DAB1: variants seen among roughly 807,000 people sequenced by gnomAD.
DAB1 encodes DAB adaptor protein 1.
A neutral mutation model predicts 64.6 loss-of-function variants in DAB1; 15 were observed. The observed-to-expected ratio is 0.23, with a 90% CI of 0.16 to 0.36. The LOEUF is 0.36. Ranked by LOEUF, DAB1 falls within the 10% of genes least tolerant of loss-of-function variation. The pLI, the probability that DAB1 is intolerant of heterozygous loss-of-function variation, is 1.00. For synonymous variants in DAB1, 235 were observed against 251.9 expected (o/e 0.93, Z 0.64); for missense variants, 596 against 706.7 (o/e 0.84, Z 1.78).
intron 9 of DAB1, among the ~76,000 whole-genome samples, chr1:57,050,235 C>T (rs1472867603): frequency 6.6e-6 from 1 of 152,184 alleles, no homozygotes; most frequent in Non-Finnish European, 1.5e-5. Flanking sequence ...AATGGATACA[C>T]TTAGATGATT....
intron 5 of DAB1, among the ~76,000 whole-genome samples, chr1:58,030,729 TA>T (rs1243706962): frequency 2.0e-5 from 3 of 152,154 alleles, no homozygotes; most frequent in African/African-American, 4.8e-5. Context: ...AGGAGTTCAA[TA>T]AAAACGTATT....
At chr1:58,036,764 T>G (rs1309646566) in intron 5 of DAB1, among the ~76,000 whole-genome samples, 1 of 152,054 alleles carries the variant, frequency 6.6e-6, no homozygotes, top group Non-Finnish European at 1.5e-5. Flanking sequence ...GCCAGACATG[T>G]GGAGACTTGG....
At position 58,246,804 on chromosome 1, in the gene DAB1, G is replaced by A. The variant is rs72910470; in HGVS notation, n.310-96216C>T. On this transcript the variant is annotated intron_variant and non_coding_transcript_variant, in intron 4 of 20. Transcript: ENST00000485760. ...TGTGTGAGTGGTGTGAATGTAATGC[G>A]TACGCATGTATGTCAGGGTGTGTGT... 4.3e-3 allele frequency among the ~76,000 whole-genome samples: 660 copies of A among 152,140 alleles called. 6 individuals are homozygous for A. The highest frequency in any genetic ancestry group is 0.014 in the African/African-American group (601 of 41,494).
chr1:57,303,082 G>A (rs1431939738), intron 1 of DAB1, among the ~76,000 whole-genome samples: 3 of 152,198 alleles, frequency 2.0e-5, no homozygotes, highest in African/African-American at 7.2e-5. Context: ...GGAACCTGAT[G>A]TAGACGACTG....
chr1:58,178,891 C>G lies in DAB1; in HGVS notation n.310-28303G>C, dbSNP rs74075943. On this transcript the variant is annotated intron_variant and non_coding_transcript_variant, in intron 4 of 20. Coordinates refer to the DAB1 transcript ENST00000485760. ...GGAGACCAGACTTCCTATTTTGTTC[C>G]TGATCTGAAGTGAAAGGCATTCAGT... Among the ~76,000 whole-genome samples, 1,391 of 152,198 alleles carry G rather than the reference C, an allele frequency of 9.1e-3. 29 individuals are homozygous for G. The highest frequency in any genetic ancestry group is 0.032 in the African/African-American group (1,333 of 41,536).
intron 3 of DAB1, among the ~76,000 whole-genome samples, chr1:58,475,023 C>T (rs971784210): frequency 1.1e-4 from 16 of 152,186 alleles, no homozygotes; most frequent in Middle Eastern, 3.4e-3. Flanking sequence ...CATCATCTGG[C>T]GAATGGATTG....
chr1:57,927,130 C>T (rs376377624), intron 5 of DAB1, among the ~76,000 whole-genome samples: 1 of 152,162 alleles, frequency 6.6e-6, no homozygotes, highest in East Asian at 1.9e-4. Context: ...ACCTTATGAC[C>T]ACAAATGAAG....
intron 6 of DAB1, among the ~76,000 whole-genome samples, chr1:57,717,391 T>G (rs1446719306): frequency 1.3e-5 from 2 of 152,078 alleles, no homozygotes; most frequent in Admixed American, 6.6e-5. Flanking sequence ...CCAGTTAGAA[T>G]GGTTATTACC....
intron 9 of DAB1, among the ~76,000 whole-genome samples, chr1:57,054,120 G>T (rs1649500935): frequency 6.6e-6 from 1 of 152,112 alleles, no homozygotes; most frequent in Non-Finnish European, 1.5e-5. Context: ...CAAGGAGAAG[G>T]ATAAAAGATC....
rs964955805 is a variant in DAB1 at position 58,506,331 on chromosome 1, C to A, written n.108-122G>T. ...CTTTAAGTTTTAGGGTACATGTGCA[C>A]AACGTGCAGGTTTGTTACATACGTA... On this transcript the variant is annotated intron_variant and non_coding_transcript_variant, in intron 2 of 20. Coordinates refer to the DAB1 transcript ENST00000485760. The A allele has an allele frequency of 4.0e-5, 24 of 594,388 alleles. No homozygotes were observed. The African/African-American group carries it at 4.5e-4, about 11-fold the overall frequency. 36.8% of individuals were successfully genotyped at this position (594,388 alleles called of 1,614,324 possible).
intron 5 of DAB1, among the ~76,000 whole-genome samples, chr1:58,079,764 C>G (rs4912299): frequency 0.56 from 84,699 of 151,552 alleles, 24,247 homozygotes; most frequent in Middle Eastern, 0.66. Flanking sequence ...CATGATCCAC[C>G]TGCCTCAACC....
chr1:57,227,153 T>C (rs1352179892), intron 2 of DAB1, among the ~76,000 whole-genome samples: 1 of 152,238 alleles, frequency 6.6e-6, no homozygotes, highest in Non-Finnish European at 1.5e-5. Context: ...CCAGCATGGG[T>C]GACAGTGATC....
At chr1:57,361,719 G>T (rs925490887) in intron 1 of DAB1, among the ~76,000 whole-genome samples, 1 of 152,056 alleles carries the variant, frequency 6.6e-6, no homozygotes, top group Non-Finnish European at 1.5e-5. Flanking sequence ...GCCCAGATGG[G>T]GCTGCTCCCA....
At position 57,136,042 on chromosome 1, in the gene DAB1, C is replaced by T. The variant is rs139971448; in HGVS notation, c.306+501G>A. Reference sequence around the variant, plus strand: ...CCACTTCTTTGGTGGGTTCAACAAACGTATCAGCCCTTAAATTTCCTGGTC... The same window carrying T: ...CCACTTCTTTGGTGGGTTCAACAAATGTATCAGCCCTTAAATTTCCTGGTC... On this transcript the variant is annotated intron_variant, in intron 4 of 14. Coordinates refer to ENST00000371236, the MANE Select transcript of DAB1 (RefSeq NM_001365792.1). Among the ~76,000 whole-genome samples, 371 of 152,208 alleles carry T rather than the reference C, an allele frequency of 2.4e-3. 2 individuals carry two copies. The highest frequency in any genetic ancestry group is 8.5e-3 in the African/African-American group (354 of 41,542).
chr1:58,123,688 C>G (rs1385820090), intron 5 of DAB1, among the ~76,000 whole-genome samples: 6 of 152,106 alleles, frequency 3.9e-5, no homozygotes, highest in Non-Finnish European at 7.4e-5. Flanking sequence ...ATCTCCAGGC[C>G]TTTAGTATCT....
At chr1:57,466,482 T>C (rs1686957162) in intron 7 of DAB1, among the ~76,000 whole-genome samples, 1 of 152,176 alleles carries the variant, frequency 6.6e-6, no homozygotes, top group Admixed American at 6.5e-5. Flanking sequence ...CTGAGCCTCA[T>C]CTATTAATTG....
At chr1:57,285,074 TA>T (rs1273360569) in intron 2 of DAB1, among the ~76,000 whole-genome samples, 22 of 152,224 alleles carry the variant, frequency 1.4e-4, no homozygotes, top group Admixed American at 1.4e-3. Context: ...GATCCCTGGG[TA>T]TAGCACTAAT....
At chr1:57,556,435 C>T (rs2101492139) in intron 7 of DAB1, among the ~76,000 whole-genome samples, 1 of 152,154 alleles carries the variant, frequency 6.6e-6, no homozygotes, top group Non-Finnish European at 1.5e-5. Context: ...TACACTCCAA[C>T]ATCTATTTTT....
intron 7 of DAB1, among the ~76,000 whole-genome samples, chr1:57,602,913 G>A (rs1291298627): frequency 6.6e-6 from 1 of 152,122 alleles, no homozygotes; most frequent in Non-Finnish European, 1.5e-5. Flanking sequence ...AATAGAGGGG[G>A]CATGAGTGCT....
Sources: allele counts gnomAD v4.1 joint callset (sites outside exome capture counted in the v4.1 genomes callset), GRCh38; gene constraint gnomAD v4.1.1; transcripts MANE v1.5; gene names NCBI Gene and HGNC (gene_info 2026-07-23, HGNC 2026-07-21).